The following HNF4A variants were observed in gnomAD, a reference collection of about 807,000 sequenced individuals.
HNF4A encodes hepatocyte nuclear factor 4 alpha.
In HNF4A, 15 loss-of-function variants were observed where a neutral mutation model predicts 52.4. The ratio of observed to expected loss-of-function variants is 0.29; its 90% CI spans 0.19 to 0.44. The LOEUF (loss-of-function observed/expected upper bound fraction) is 0.44. Ranked by LOEUF, HNF4A falls within the 20% of genes least tolerant of loss-of-function variation. The pLI, the probability that HNF4A is intolerant of heterozygous loss-of-function variation, is 1.00. For synonymous variants in HNF4A, 280 were observed against 264.4 expected, an observed-to-expected ratio of 1.06 and a Z score of -0.57; for missense variants, 479 against 647.2, an observed-to-expected ratio of 0.74 and a Z score of 2.82.
intron 5 of HNF4A, among the ~76,000 whole-genome samples, chr20:44,416,880 A>T: frequency 6.6e-6 from 1 of 151,364 alleles, no homozygotes; most frequent in East Asian, 1.9e-4. Flanking sequence ...TGCTCTCACC[A>T]TCCTTTCCAC....
intron 2 of HNF4A, 92 bp from the exon 3 acceptor site, chr20:44,407,289 T>C (rs2063514701): frequency 3.3e-6 from 3 of 905,912 alleles, no homozygotes; most frequent in Non-Finnish European, 5.4e-6. Context: ...AGCACTGAGG[T>C]TGGGGGGTCA....
chr20:44,355,870 G>T lies in HNF4A; in HGVS notation c.49+17G>T. On this transcript the variant is annotated intron_variant, in intron 1 of 9. Coordinates refer to the HNF4A transcript ENST00000316673. ...GTTCTTACGGTAAGTGGGGCTGGGG[G>T]AAGACTGGACAGGGCGGGACTGCGG... The T allele has an allele frequency of 1.2e-6, 2 of 1,608,450 alleles. No homozygotes were observed. Among genetic ancestry groups the T allele is most frequent in the East Asian group, 4.5e-5 (2 of 44,722 alleles).
intron 1 of HNF4A, among the ~76,000 whole-genome samples, chr20:44,388,492 G>A (rs2063262267): frequency 6.6e-6 from 1 of 151,300 alleles, no homozygotes; most frequent in African/African-American, 2.4e-5. Context: ...GATTGCTGCC[G>A]TGGCCATGTG....
Position 44,424,042 on chromosome 20 carries a change from G to C in HNF4A, c.917G>C (p.Gly306Ala). The C allele has an allele frequency of 6.2e-7, 1 of 1,613,212 alleles. No homozygotes were observed. Residue 306 changes from glycine to alanine, a missense_variant, in exon 8 of 10, where the codon GGG (glycine) becomes GCG (alanine). Physicochemically the swap from Gly to Ala is moderately conservative, Grantham distance 60. Transcript: ENST00000316099. ...GATGCCAAGGGGCTGAGCGATCCAG[G>C]GAAGATCAAGCGGCTGCGTTCCCAG...
At chr20:44,424,437 G>A in intron 8 of HNF4A, 183 bp downstream of exon 8, 1 of 1,136,502 alleles carries the variant, frequency 8.8e-7, no homozygotes, top group Non-Finnish European at 1.3e-6. Context: ...TGGTCTATTT[G>A]TTCAGGCACC....
intron 1 of HNF4A, among the ~76,000 whole-genome samples, chr20:44,385,198 C>G (rs531849425): frequency 1.3e-5 from 2 of 149,378 alleles, no homozygotes. Context: ...GAGAGGAATT[C>G]AAGGAGAGGG....
intron 1 of HNF4A, among the ~76,000 whole-genome samples, chr20:44,374,401 T>C (rs548555557): frequency 6.6e-6 from 1 of 152,320 alleles, no homozygotes; most frequent in East Asian, 1.9e-4. Context: ...ATAGTGTATA[T>C]GTACCACATT....
chr20:44,368,194 T>G (rs1367830479), intron 1 of HNF4A, among the ~76,000 whole-genome samples: 1 of 121,318 alleles, frequency 8.2e-6, no homozygotes, highest in Non-Finnish European at 1.7e-5. Flanking sequence ...TGAGACAGGG[T>G]CTCACTCTGT....
intron 5 of HNF4A, among the ~76,000 whole-genome samples, chr20:44,416,209 C>G (rs1305629728): frequency 6.6e-6 from 1 of 152,188 alleles, no homozygotes; most frequent in Non-Finnish European, 1.5e-5. Context: ...CTCCCCATTC[C>G]TGGTATATGA....
chr20:44,423,979 AC>A, intron 7 of HNF4A, 38 bp from the exon 8 acceptor site: 1 of 1,604,498 alleles, frequency 6.2e-7, no homozygotes, highest in Non-Finnish European at 8.5e-7. Flanking sequence ...CTCCAGCTGG[AC>A]CCTGCTGCCC....
intron 1 of HNF4A, among the ~76,000 whole-genome samples, chr20:44,359,304 A>G (rs1294458611): frequency 1.3e-5 from 2 of 152,164 alleles, no homozygotes; most frequent in Non-Finnish European, 2.9e-5. Flanking sequence ...ATTATAACCC[A>G]AACTGGCTGT....
chr20:44,403,653 T>C (rs1886739323), intron 1 of HNF4A, among the ~76,000 whole-genome samples: 1 of 152,174 alleles, frequency 6.6e-6, no homozygotes, highest in African/African-American at 2.4e-5. Flanking sequence ...TGGCTCCTTG[T>C]TCATTAGAGG....
intron 1 of HNF4A, among the ~76,000 whole-genome samples, chr20:44,381,174 T>C (rs1403807064): frequency 6.6e-6 from 1 of 152,106 alleles, no homozygotes; most frequent in Non-Finnish European, 1.5e-5. Flanking sequence ...GGTAGAACAA[T>C]TGTATTTTAT....
At chr20:44,414,866 A>C (rs1423333883) in intron 5 of HNF4A, among the ~76,000 whole-genome samples, 1 of 152,252 alleles carries the variant, frequency 6.6e-6, no homozygotes, top group Non-Finnish European at 1.5e-5. Context: ...TGAGGTAGGT[A>C]CTAAGGTACT....
chr20:44,367,307 C>T (rs1483960136), intron 1 of HNF4A, among the ~76,000 whole-genome samples: 1 of 149,396 alleles, frequency 6.7e-6, no homozygotes, highest in Non-Finnish European at 1.5e-5. Context: ...TGCACTCCAG[C>T]CTGGGCAACA....
intron 3 of HNF4A, among the ~76,000 whole-genome samples, chr20:44,411,235 C>T (rs2063576821): frequency 6.6e-6 from 1 of 152,194 alleles, no homozygotes; most frequent in Non-Finnish European, 1.5e-5. Context: ...CTGCTCCCCA[C>T]AGCCCCCTAC....
rs1222874729 is a variant in HNF4A at position 44,429,846 on chromosome 20, C to G, written c.*181C>G. 1.6e-6 allele frequency: 1 copy of G among 640,252 alleles called. No individual in the cohort carries two copies. Among genetic ancestry groups the G allele is most frequent in the South Asian group, 1.9e-5 (1 of 52,506 alleles). The allele number at this position is 640,252 out of a possible 1,614,324, so 39.7% of individuals were successfully genotyped here. The stretch of plus-strand genomic sequence containing the variant: ...CCACATCCCACTGCCACCCTTGACG[C>G]CCTGCTCTGGATAACAAGACTTTGA... On this transcript the variant is annotated 3_prime_UTR_variant, in exon 10 of 10. Coordinates refer to ENST00000316099, the MANE Select transcript of HNF4A (RefSeq NM_000457.6).
At chr20:44,421,031 G>A (rs1018134431) in intron 7 of HNF4A, among the ~76,000 whole-genome samples, 4 of 151,996 alleles carry the variant, frequency 2.6e-5, no homozygotes, top group Non-Finnish European at 5.9e-5. Context: ...GTTCCTCCTA[G>A]GATGGCAGAG....
intron 1 of HNF4A, among the ~76,000 whole-genome samples, chr20:44,365,683 A>G (rs929034706): frequency 6.6e-6 from 1 of 152,198 alleles, no homozygotes. Context: ...TACTAGACCT[A>G]TAAGTAGACT....
Sources: gnomAD v4.1 joint callset for allele counts (sites outside exome capture counted in the v4.1 genomes callset) on GRCh38, gnomAD v4.1.1 for gene constraint, MANE v1.5 for transcripts, NCBI Gene and HGNC (gene_info 2026-07-23, HGNC 2026-07-21) for gene names.